The following SHTN1 variants were observed in gnomAD, a reference collection of about 807,000 sequenced individuals.
The protein encoded by SHTN1 is shootin 1.
A neutral mutation model predicts 83.1 loss-of-function variants in SHTN1; 42 were observed. That is an observed-to-expected ratio of 0.51 (90% CI 0.39 to 0.65). The LOEUF (loss-of-function observed/expected upper bound fraction) is 0.65, where lower values mean the gene tolerates loss of function less well. Ranked by LOEUF, SHTN1 falls within the 30% of genes least tolerant of loss-of-function variation. The probability of loss-of-function intolerance (pLI) is 0.00; values close to 1 mark genes in which losing one functional copy is unlikely to be tolerated. For missense variants in SHTN1, 622 were observed against 737.8 expected (o/e 0.84, Z 1.82); for synonymous variants, 224 against 247.7 (o/e 0.90, Z 0.90).
At chr10:117,036,187 G>T (rs889767101) in intron 2 of SHTN1, among the ~76,000 whole-genome samples, 1 of 151,972 alleles carries the variant, frequency 6.6e-6, no homozygotes, top group African/African-American at 2.4e-5. Flanking sequence ...ACTGCTGGGG[G>T]ATGTAAATTT....
rs371165432 is a variant in SHTN1, at chr10:117,084,717, G to T, written c.-188-36207C>A. Among the ~76,000 whole-genome samples the T allele has an allele frequency of 4.6e-5, 7 of 152,258 alleles. No homozygotes were observed. The South Asian group carries it at 1.5e-3, about 32-fold the overall frequency. On this transcript the variant is annotated intron_variant, in intron 1 of 17. Transcript: ENST00000392901. ...CCGTGAGGTAGGACCCTCCGAGCCA[G>T]GTGCAGGATATAATCTCGTGGTGCG...
intron 1 of SHTN1, among the ~76,000 whole-genome samples, chr10:117,074,932 T>C (rs1243342516): frequency 6.6e-6 from 1 of 152,148 alleles, no homozygotes; most frequent in Non-Finnish European, 1.5e-5. Context: ...TGTAGTAGTC[T>C]TTCAGGAGTT....
chr10:117,041,822 G>T (rs1852588227), intron 2 of SHTN1, among the ~76,000 whole-genome samples: 1 of 152,128 alleles, frequency 6.6e-6, no homozygotes. Context: ...TCTTTTCAAA[G>T]ATTCACCAAC....
At chr10:117,003,776 C>T (rs1851905413) in intron 1 of SHTN1, among the ~76,000 whole-genome samples, 1 of 152,182 alleles carries the variant, frequency 6.6e-6, no homozygotes, top group African/African-American at 2.4e-5. Context: ...TGCCACAGAG[C>T]AGGGATCCTT....
In SHTN1 at chr10:116,899,506, G is replaced by GGTGTGTGT. The variant is rs370396879; in HGVS notation, c.1673+2251_1673+2258dup. ...AAGGGAAGTTAGAGTGGCTGGGGCT[G>GGTGTGTGT]GTGTGTGTGTGTGTGTGTGTGTGTG... On this transcript the variant is annotated intron_variant, in intron 16 of 16. Transcript: ENST00000355371. Among the ~76,000 whole-genome samples, 388 of 124,566 alleles carry GGTGTGTGT rather than the reference G, an allele frequency of 3.1e-3. 2 individuals are homozygous for GGTGTGTGT. Among genetic ancestry groups the GGTGTGTGT allele is most frequent in the African/African-American group, 8.0e-3 (275 of 34,172 alleles). The allele number at this position is 124,566 out of a possible 152,430, so 81.7% of individuals were successfully genotyped here. A position where few individuals can be genotyped will look rare whatever the true frequency, so the allele number is the denominator to read the frequency against.
chr10:116,886,266 G>A lies in SHTN1; in HGVS notation c.*78C>T. ...CAGTGACCAGAGCAGAATGTCTACAGCCCTTGCCAATATAACAACACTAAT... is the reference window on the plus strand; with the variant it reads ...CAGTGACCAGAGCAGAATGTCTACAACCCTTGCCAATATAACAACACTAAT... On this transcript the variant is annotated 3_prime_UTR_variant, in exon 17 of 17. Coordinates refer to ENST00000355371, the MANE Select transcript of SHTN1 (RefSeq NM_001127211.3). The A allele has an allele frequency of 6.5e-7, 1 of 1,540,190 alleles. No individual in the cohort carries two copies. Among genetic ancestry groups the A allele is most frequent in the Non-Finnish European group, 8.8e-7 (1 of 1,138,986 alleles).
At chr10:117,007,591 A>G (rs1852042359), upstream of SHTN1, among the ~76,000 whole-genome samples, 1 of 147,968 alleles carries the variant, frequency 6.8e-6, no homozygotes, top group Non-Finnish European at 1.5e-5. Flanking sequence ...CTCCTGAAAT[A>G]CAATATGGCA....
chr10:117,001,440 A>G (rs1325009079), intron 1 of SHTN1, among the ~76,000 whole-genome samples: 25 of 152,102 alleles, frequency 1.6e-4, no homozygotes, highest in Admixed American at 1.6e-3. Context: ...ACATTTCACA[A>G]CTTTTGTCAA....
intron 2 of SHTN1, among the ~76,000 whole-genome samples, chr10:117,037,998 CAAA>C (rs71013632): frequency 1.9e-4 from 14 of 75,478 alleles, no homozygotes; most frequent in African/African-American, 6.5e-4. Context: ...AGCGAGACTT[CAAA>C]AAAAAAAAAA....
chr10:117,054,182 G>A (rs897256787), intron 1 of SHTN1, among the ~76,000 whole-genome samples: 1 of 152,060 alleles, frequency 6.6e-6, no homozygotes, highest in Non-Finnish European at 1.5e-5. Context: ...GGTTGGACAC[G>A]TTTCATTTAC....
chr10:117,093,350 C>T (rs1306297622), intron 1 of SHTN1, among the ~76,000 whole-genome samples: 1 of 152,052 alleles, frequency 6.6e-6, no homozygotes, highest in East Asian at 1.9e-4. Flanking sequence ...TTCAAGCTCA[C>T]ACCAACCCTG....
intron 1 of SHTN1, among the ~76,000 whole-genome samples, chr10:117,092,006 G>A (rs1312943361): frequency 6.6e-6 from 1 of 152,158 alleles, no homozygotes; most frequent in East Asian, 1.9e-4. Context: ...AAACAACCCT[G>A]GGAGATTGGT....
At chr10:117,070,998 G>A (rs1853072634) in intron 1 of SHTN1, among the ~76,000 whole-genome samples, 2 of 151,646 alleles carry the variant, frequency 1.3e-5, no homozygotes, top group South Asian at 2.1e-4. Flanking sequence ...CTCAGAAAGA[G>A]GCTTGGAGAT....
At chr10:116,939,118 C>A (rs1245352658) in intron 9 of SHTN1, among the ~76,000 whole-genome samples, 1 of 152,212 alleles carries the variant, frequency 6.6e-6, no homozygotes, top group African/African-American at 2.4e-5. Flanking sequence ...GGGGTGGGAT[C>A]TGCTGGGCTA....
intron 1 of SHTN1, among the ~76,000 whole-genome samples, chr10:117,070,702 C>T (rs1035611174): frequency 1.3e-5 from 2 of 150,728 alleles, no homozygotes; most frequent in South Asian, 2.1e-4. Context: ...GGTGCCACAG[C>T]GGCACCCTGA....
At chr10:117,035,225 A>C (rs1013993781) in intron 2 of SHTN1, among the ~76,000 whole-genome samples, 1 of 152,194 alleles carries the variant, frequency 6.6e-6, no homozygotes, top group Non-Finnish European at 1.5e-5. Flanking sequence ...CCAAGAACAT[A>C]CACTGGGGAA....
At chr10:116,951,153 C>T (rs762100355) in intron 6 of SHTN1, among the ~76,000 whole-genome samples, 3 of 152,120 alleles carry the variant, frequency 2.0e-5, no homozygotes, top group African/African-American at 4.8e-5. Flanking sequence ...GCCAGGGCAG[C>T]GGCTTGCATT....
intron 1 of SHTN1, among the ~76,000 whole-genome samples, chr10:117,053,631 A>G (rs955469693): frequency 2.0e-5 from 3 of 152,210 alleles, no homozygotes; most frequent in Non-Finnish European, 4.4e-5. Flanking sequence ...ATGTGGAGAC[A>G]TTGGAACCCT....
chr10:116,923,880 CT>C (rs553648307), intron 11 of SHTN1, among the ~76,000 whole-genome samples: 1 of 151,992 alleles, frequency 6.6e-6, no homozygotes, highest in Non-Finnish European at 1.5e-5. Flanking sequence ...TAATTTCTAG[CT>C]TTTTTTTACT....
Sources: allele counts gnomAD v4.1 joint callset (sites outside exome capture counted in the v4.1 genomes callset), GRCh38; gene constraint gnomAD v4.1.1; transcripts MANE v1.5; gene names NCBI Gene and HGNC (gene_info 2026-07-23, HGNC 2026-07-21).